Variants in NDFIP1 observed in about 807,000 individuals in gnomAD.
NDFIP1 encodes the protein Nedd4 family interacting protein 1.
A neutral mutation model predicts 28.8 loss-of-function variants in NDFIP1; 7 were observed. The ratio of observed to expected loss-of-function variants is 0.24; its 90% CI spans 0.14 to 0.46. NDFIP1 has a LOEUF of 0.46. NDFIP1 is among the 20% of genes least tolerant of loss of function. The probability of loss-of-function intolerance (pLI) is 0.99; values close to 1 mark genes in which losing one functional copy is unlikely to be tolerated. For synonymous variants in NDFIP1, 92 were observed against 101.0 expected (o/e 0.91, Z 0.53); for missense variants, 194 against 269.1 (o/e 0.72, Z 1.95).
intron 1 of NDFIP1, among the ~76,000 whole-genome samples, chr5:142,112,825 C>T (rs1157631595): frequency 3.3e-5 from 5 of 150,546 alleles, no homozygotes; most frequent in Admixed American, 2.0e-4. Context: ...GTTCCCCTGG[C>T]ATTATTTTAT....
At chr5:142,144,353 T>C (rs1202212054) in intron 6 of NDFIP1, 3 of 371,102 alleles carry the variant, frequency 8.1e-6, no homozygotes, top group African/African-American at 4.1e-5. Context: ...CAATTCTGAA[T>C]GTGCAAAAGA....
At position 142,153,292 on chromosome 5, in the gene NDFIP1, A is replaced by AG. The variant is rs778255865; in HGVS notation, c.*1565dup. 4 of 456,488 alleles carry AG rather than the reference A, an allele frequency of 8.8e-6. No homozygotes were observed. Among genetic ancestry groups the AG allele is most frequent in the South Asian group, 6.2e-5 (4 of 64,524 alleles). The allele number at this position is 456,488 out of a possible 1,614,324, so 28.3% of individuals were successfully genotyped here. Reference sequence around the variant, plus strand: ...TTCATTTTCTATTTAAGAAATATGAAGAAAAAATACACCAAGATGGTCAAA... The same window carrying AG: ...TTCATTTTCTATTTAAGAAATATGAAGGAAAAAATACACCAAGATGGTCAAA... On this transcript the variant is annotated 3_prime_UTR_variant, in exon 8 of 8. Coordinates refer to ENST00000253814, the MANE Select transcript of NDFIP1 (RefSeq NM_030571.4).
At chr5:142,130,634 A>G (rs1190158756) in intron 1 of NDFIP1, among the ~76,000 whole-genome samples, 1 of 152,092 alleles carries the variant, frequency 6.6e-6, no homozygotes, top group Non-Finnish European at 1.5e-5. Flanking sequence ...CCAGGGTCAC[A>G]GTGTGCCATA....
intron 4 of NDFIP1, among the ~76,000 whole-genome samples, chr5:142,137,272 C>A (rs900642470): frequency 6.6e-6 from 1 of 152,140 alleles, no homozygotes; most frequent in South Asian, 2.1e-4. Context: ...GTGATCCCCC[C>A]ACCTCAGCCT....
chr5:142,120,252 G>A (rs1017649958), intron 1 of NDFIP1, among the ~76,000 whole-genome samples: 5 of 152,062 alleles, frequency 3.3e-5, no homozygotes, highest in Non-Finnish European at 5.9e-5. Context: ...CACTGCACCC[G>A]GCCCAAACTT....
rs781646091 is a variant in NDFIP1, at chr5:142,109,044, G to A, written c.63+7G>A. On this transcript the variant is annotated splice_region_variant and intron_variant, in intron 1 of 7. Transcript: ENST00000253814. ...CGGCAGCCGGTACCAGCAGGTAAGC[G>A]GCGCCCGACTCCAGCCCCGAACTCC... 64 of 1,413,300 alleles carry A rather than the reference G, an allele frequency of 4.5e-5. 1 individual carries two copies. In the South Asian group the frequency reaches 9.1e-4, roughly 20 times the overall value. 87.5% of individuals were successfully genotyped at this position (1,413,300 alleles called of 1,614,324 possible). A position where few individuals can be genotyped will look rare whatever the true frequency, so the allele number is the denominator to read the frequency against.
intron 1 of NDFIP1, among the ~76,000 whole-genome samples, chr5:142,113,992 G>A (rs1038044513): frequency 6.6e-6 from 1 of 152,148 alleles, no homozygotes; most frequent in Non-Finnish European, 1.5e-5. Flanking sequence ...TTTGGTCATT[G>A]TGAGTAATGC....
At position 142,146,326 on chromosome 5, in the gene NDFIP1, G is replaced by T. The variant is rs538372662; in HGVS notation, c.*2+1650G>T. Among the ~76,000 whole-genome samples, 16 of 152,296 alleles carry T rather than the reference G, an allele frequency of 1.1e-4. No homozygotes were observed. In the East Asian group the frequency reaches 3.1e-3, roughly 29 times the overall value. Reference sequence around the variant, plus strand: ...ACACAGATGGATATTCATACCACTGGCCTGGGCCTTAATGCCTACAATGTG... The same window carrying T: ...ACACAGATGGATATTCATACCACTGTCCTGGGCCTTAATGCCTACAATGTG... On this transcript the variant is annotated intron_variant, in intron 7 of 7. Coordinates refer to ENST00000253814, the MANE Select transcript of NDFIP1 (RefSeq NM_030571.4).
At chr5:142,130,365 G>A (rs1454368447) in intron 1 of NDFIP1, among the ~76,000 whole-genome samples, 1 of 152,162 alleles carries the variant, frequency 6.6e-6, no homozygotes, top group Non-Finnish European at 1.5e-5. Context: ...ATAGGGAAAA[G>A]GGATATCTAT....
chr5:142,126,126 A>T (rs1757168260), intron 1 of NDFIP1, among the ~76,000 whole-genome samples: 1 of 152,220 alleles, frequency 6.6e-6, no homozygotes, highest in South Asian at 2.1e-4. Context: ...ACACAAACTT[A>T]ATGATTATTT....
intron 1 of NDFIP1, among the ~76,000 whole-genome samples, chr5:142,112,532 T>TAAA (rs113729498): frequency 5.7e-4 from 59 of 103,632 alleles, no homozygotes; most frequent in Middle Eastern, 6.6e-3. Flanking sequence ...AAGACTGTCT[T>TAAA]AAAAAAAAAA....
intron 1 of NDFIP1, among the ~76,000 whole-genome samples, chr5:142,116,088 A>C (rs1436925068): frequency 1.3e-5 from 2 of 152,174 alleles, no homozygotes; most frequent in Non-Finnish European, 2.9e-5. Context: ...GTGGATACTG[A>C]GGGATGACTG....
intron 7 of NDFIP1, among the ~76,000 whole-genome samples, chr5:142,145,350 A>G (rs746964603): frequency 6.6e-6 from 1 of 152,194 alleles, no homozygotes. Context: ...TCCATCTTAC[A>G]TCAATGGCTG....
At chr5:142,114,970 C>T (rs965724097) in intron 1 of NDFIP1, among the ~76,000 whole-genome samples, 12 of 152,174 alleles carry the variant, frequency 7.9e-5, no homozygotes, top group African/African-American at 2.9e-4. Context: ...TGGGCAGAAA[C>T]CAAGGCCCAG....
At chr5:142,119,775 A>G (rs551785313) in intron 1 of NDFIP1, among the ~76,000 whole-genome samples, 2 of 152,356 alleles carry the variant, frequency 1.3e-5, no homozygotes, top group East Asian at 3.9e-4. Flanking sequence ...CAAGAATAGT[A>G]TAACATAACA....
chr5:142,140,556 T>G lies in NDFIP1; in HGVS notation c.496-7T>G. ...GCTGCTATAAAGTGTTTTGCCTTAT[T>G]TTTTAGTTTTCCACCTATTTCCCTG... On this transcript the variant is annotated splice_polypyrimidine_tract_variant and splice_region_variant and intron_variant, in intron 5 of 7. Coordinates refer to ENST00000253814, the MANE Select transcript of NDFIP1 (RefSeq NM_030571.4). 6.2e-7 allele frequency: 1 copy of G among 1,608,794 alleles called. No homozygotes were observed. The highest frequency in any genetic ancestry group is 8.5e-7 in the Non-Finnish European group (1 of 1,177,758).
chr5:142,108,799 G>A lies in NDFIP1; in HGVS notation c.-176G>A, dbSNP rs3761759. On this transcript the variant is annotated 5_prime_UTR_variant, in exon 1 of 8. Transcript: ENST00000253814. Reference sequence around the variant, plus strand: ...TCCCCAGGGGCCGCGTCGGAGCCTCGGCGGCGGCGGCGGTGCTTACAGCCT... The same window carrying A: ...TCCCCAGGGGCCGCGTCGGAGCCTCAGCGGCGGCGGCGGTGCTTACAGCCT... 2 of 444,524 alleles carry A rather than the reference G, an allele frequency of 4.5e-6. No homozygotes were observed. Among genetic ancestry groups the A allele is most frequent in the Non-Finnish European group, 7.5e-6 (2 of 266,448 alleles). The allele number at this position is 444,524 out of a possible 1,614,324, so 27.5% of individuals were successfully genotyped here. A position where few individuals can be genotyped will look rare whatever the true frequency, so the allele number is the denominator to read the frequency against.
At chr5:142,141,208 C>T (rs1413016147) in intron 6 of NDFIP1, among the ~76,000 whole-genome samples, 4 of 108,672 alleles carry the variant, frequency 3.7e-5, no homozygotes, top group African/African-American at 1.5e-4. Flanking sequence ...CAGAGTCTTG[C>T]TCTGTCGCAC....
chr5:142,145,468 C>T (rs1757379538), intron 7 of NDFIP1, among the ~76,000 whole-genome samples: 1 of 152,006 alleles, frequency 6.6e-6, no homozygotes, highest in Non-Finnish European at 1.5e-5. Flanking sequence ...TTCCTTGGGG[C>T]TTTGGGGACT....
Sources: gnomAD v4.1 joint callset for allele counts (sites outside exome capture counted in the v4.1 genomes callset) on GRCh38, gnomAD v4.1.1 for gene constraint, MANE v1.5 for transcripts, NCBI Gene and HGNC (gene_info 2026-07-23, HGNC 2026-07-21) for gene names.